Variants in CMTM3 observed in about 807,000 individuals in gnomAD.
The protein encoded by CMTM3 is CKLF like MARVEL transmembrane domain containing 3.
Under a neutral mutation model 18.2 loss-of-function variants are expected in CMTM3, and 7 were observed. The ratio of observed to expected loss-of-function variants is 0.38; its 90% CI spans 0.22 to 0.72. The LOEUF is 0.72. CMTM3 is among the 30% of genes least tolerant of loss of function. CMTM3 has a pLI of 0.46. For missense variants in CMTM3, 227 were observed against 249.2 expected (o/e 0.91, Z 0.60); for synonymous variants, 109 against 111.2 (o/e 0.98, Z 0.12).
Position 66,609,595 on chromosome 16 carries a change from A to G in CMTM3, c.399+65A>G, listed in dbSNP as rs1597209170. 20 of 1,528,222 alleles carry G rather than the reference A, an allele frequency of 1.3e-5. No individual in the cohort carries two copies. Among genetic ancestry groups the G allele is most frequent in the Non-Finnish European group, 1.8e-5 (20 of 1,127,448 alleles). The allele number at this position is 1,528,222 out of a possible 1,614,324, so 94.7% of individuals were successfully genotyped here. On this transcript the variant is annotated intron_variant, in intron 3 of 4. Transcript: ENST00000567572. This position sits in a 1 kb window ranked among gnomAD's most constrained non-coding sequence, Gnocchi z 4.4. ...CCTCTAGCCCCTCATTTAGGGTGGG[A>G]CCTGGGGCAGAGCCTTTCCCTGCTG...
rs1415389173 is a variant in CMTM3, at chr16:66,613,859, G to T, written c.*1222G>T. 6.6e-6 allele frequency: 1 copy of T among 152,000 alleles called. No individual in the cohort carries two copies. The highest frequency in any genetic ancestry group is 1.9e-4 in the East Asian group (1 of 5,182). The allele number at this position is 152,000 out of a possible 1,614,324, so 9.4% of individuals were successfully genotyped here. A position where few individuals can be genotyped will look rare whatever the true frequency, so the allele number is the denominator to read the frequency against. On this transcript the variant is annotated 3_prime_UTR_variant, in exon 5 of 5. Transcript: ENST00000567572. ...TGGATCCTGACAGCTTTCAGTTTTA[G>T]CAAAAATACACGTGAAATCTGACTA...
chr16:66,608,761 C>A lies in CMTM3; in HGVS notation c.303+297C>A, dbSNP rs1265871901. On this transcript the variant is annotated intron_variant, in intron 2 of 4. Coordinates refer to ENST00000567572, the MANE Select transcript of CMTM3 (RefSeq NM_181553.4). The surrounding 1 kb of genome is among the most constrained non-coding windows in gnomAD (Gnocchi z 5.1). ...CCACCGGGCCTACAGGAATGAGCTGCCGCCACAGGAATTCAAGCCATTTCC... is the reference window on the plus strand; with the variant it reads ...CCACCGGGCCTACAGGAATGAGCTGACGCCACAGGAATTCAAGCCATTTCC... Among the ~76,000 whole-genome samples the A allele has an allele frequency of 6.6e-6, 1 of 152,166 alleles. No individual in the cohort carries two copies. Among genetic ancestry groups the A allele is most frequent in the Admixed American group, 6.5e-5 (1 of 15,278 alleles).
intron 1 of CMTM3, among the ~76,000 whole-genome samples, chr16:66,606,783 AG>A (rs2015171510): frequency 6.6e-6 from 1 of 152,196 alleles, no homozygotes. Context: ...ACCTGAGGTC[AG>A]GAATTCGAGA....
At position 66,612,851 on chromosome 16, in the gene CMTM3, A is replaced by G. The variant is rs1050118840; in HGVS notation, c.*214A>G. 9 of 610,298 alleles carry G rather than the reference A, an allele frequency of 1.5e-5. No individual in the cohort carries two copies. The African/African-American group carries it at 1.7e-4, about 11-fold the overall frequency. 37.8% of individuals were successfully genotyped at this position (610,298 alleles called of 1,614,324 possible). A position where few individuals can be genotyped will look rare whatever the true frequency, so the allele number is the denominator to read the frequency against. ...TGTTGACCACGCTGCGTATGAGGGC[A>G]TCTTGGGTATCCCACTCCTTCTCCC... On this transcript the variant is annotated 3_prime_UTR_variant, in exon 5 of 5. Transcript: ENST00000567572. This position sits in a 1 kb window ranked among gnomAD's most constrained non-coding sequence, Gnocchi z 6.0.
Position 66,605,243 on chromosome 16 carries a change from G to T in CMTM3, c.147+291G>T. The T allele has an allele frequency of 3.5e-6, 1 of 285,036 alleles. No individual in the cohort carries two copies. Among genetic ancestry groups the T allele is most frequent in the Non-Finnish European group, 6.5e-6 (1 of 153,136 alleles). 17.7% of individuals were successfully genotyped at this position (285,036 alleles called of 1,614,324 possible). ...CCCGGGGATGTGGGTCCTGCTGTGT[G>T]AGCCAGGCGCCCCCGCCCTCTCTGG... On this transcript the variant is annotated intron_variant, in intron 1 of 4. Coordinates refer to ENST00000567572, the MANE Select transcript of CMTM3 (RefSeq NM_181553.4). This position sits in a 1 kb window ranked among gnomAD's most constrained non-coding sequence, Gnocchi z 4.6.
chr16:66,609,466 T>C lies in CMTM3; in HGVS notation c.335T>C (p.Ile112Thr). 1 of 1,613,036 alleles carries C rather than the reference T, an allele frequency of 6.2e-7. No individual in the cohort carries two copies. The highest frequency in any genetic ancestry group is 8.5e-7 in the Non-Finnish European group (1 of 1,179,636). Residue 112 changes from isoleucine (I) to threonine (T), a missense_variant, in exon 3 of 5, where the codon ATC becomes ACC. Coordinates refer to ENST00000567572, the MANE Select transcript of CMTM3 (RefSeq NM_181553.4). This position sits in a 1 kb window ranked among gnomAD's most constrained non-coding sequence, Gnocchi z 4.4. ...CTGCGCTGTGTCACCGCGGCCCTCA[T>C]CTACTTTGCTATCTCCATCACGGCC... is the stretch of plus-strand genomic sequence containing the variant. Reference protein sequence around the residue: ...DFLRCVTAALIYFAISITAIA... With the variant: ...DFLRCVTAALTYFAISITAIA...
In CMTM3 at chr16:66,610,254, G is replaced by A. The variant is rs186375819; in HGVS notation, c.520+251G>A. Among the ~76,000 whole-genome samples the A allele has an allele frequency of 1.4e-4, 21 of 152,212 alleles. No individual in the cohort carries two copies. In the East Asian group the frequency reaches 3.1e-3, roughly 22 times the overall value. The stretch of plus-strand genomic sequence containing the variant: ...GCATGGCTGAGCCTCAGGCCAGGCC[G>A]GCAAGTCTCCCTGGACGACCCCCCT... On this transcript the variant is annotated intron_variant, in intron 4 of 4. Coordinates refer to ENST00000567572, the MANE Select transcript of CMTM3 (RefSeq NM_181553.4). The surrounding 1 kb of genome is among the most constrained non-coding windows in gnomAD (Gnocchi z 4.6).
Position 66,612,635 on chromosome 16 carries a change from T to TGAA in CMTM3, c.549_*2dup. The TGAA allele has an allele frequency of 1.2e-6, 2 of 1,614,076 alleles. No individual in the cohort carries two copies. Among genetic ancestry groups the TGAA allele is most frequent in the Non-Finnish European group, 1.7e-6 (2 of 1,179,990 alleles). ...AGAGAATTCCGACTCGGACTCTGAC[T>TGAA]GAAGGCCTGGCGGGTGCCTTGGCAA... On this transcript the variant is annotated inframe_insertion and stop_retained_variant, in exon 5 of 5. Coordinates refer to ENST00000567572, the MANE Select transcript of CMTM3 (RefSeq NM_181553.4). This position sits in a 1 kb window ranked among gnomAD's most constrained non-coding sequence, Gnocchi z 6.0.
At chr16:66,604,577 G>T (rs1304331601), upstream of CMTM3, 1 of 335,750 alleles carries the variant, frequency 3.0e-6, no homozygotes, top group Admixed American at 4.9e-5. Context: ...GGAGGCCCCA[G>T]GCCGGGGAGG....
intron 1 of CMTM3, among the ~76,000 whole-genome samples, chr16:66,607,339 C>A (rs1355682028): frequency 6.6e-6 from 1 of 152,224 alleles, no homozygotes; most frequent in African/African-American, 2.4e-5. Flanking sequence ...GCTGGCCCCA[C>A]CTTTCACAGC....
In CMTM3 at chr16:66,608,306, C is replaced by G. The variant is rs2015237376; in HGVS notation, c.148-3C>G. The stretch of plus-strand genomic sequence containing the variant: ...GACTTCACCTCAAACTCCTTCCCCG[C>G]AGGGTCTCTCATTCATCACTTTTAT... On this transcript the variant is annotated splice_region_variant and splice_polypyrimidine_tract_variant and intron_variant, in intron 1 of 4. Coordinates refer to ENST00000567572, the MANE Select transcript of CMTM3 (RefSeq NM_181553.4). The surrounding 1 kb of genome is among the most constrained non-coding windows in gnomAD (Gnocchi z 5.1). 1.2e-6 allele frequency: 2 copies of G among 1,614,034 alleles called. No homozygotes were observed. The highest frequency in any genetic ancestry group is 2.7e-5 in the African/African-American group (2 of 74,944).
At chr16:66,604,628 G>A (rs950472875), upstream of CMTM3, 8 of 442,960 alleles carry the variant, frequency 1.8e-5, no homozygotes, top group Admixed American at 4.8e-5. Context: ...CGGGGTCCGA[G>A]GGGGAGGGGC....
rs1304277771 is a variant in CMTM3 at position 66,609,420 on chromosome 16, C to A, written c.304-15C>A. Reference sequence around the variant, plus strand: ...AGCTCCAGGGGCTCAGGGCAGCATGCCCCTCTCTCCCCAGGACTTCCTGCG... The same window carrying A: ...AGCTCCAGGGGCTCAGGGCAGCATGACCCTCTCTCCCCAGGACTTCCTGCG... On this transcript the variant is annotated splice_polypyrimidine_tract_variant and intron_variant, in intron 2 of 4. Coordinates refer to ENST00000567572, the MANE Select transcript of CMTM3 (RefSeq NM_181553.4). The surrounding 1 kb of genome is among the most constrained non-coding windows in gnomAD (Gnocchi z 4.4). 5 of 1,607,212 alleles carry A rather than the reference C, an allele frequency of 3.1e-6. No homozygotes were observed. Among genetic ancestry groups the A allele is most frequent in the African/African-American group, 2.7e-5 (2 of 74,836 alleles).
Position 66,608,342 on chromosome 16 carries a change from G to C in CMTM3, c.181G>C (p.Ala61Pro), listed in dbSNP as rs774006900. ...LSFITFICYV[A>P]SSASAFLTAP... ...ATTCATCACTTTTATCTGCTATGTGGCGTCCTCAGCATCTGCCTTCCTCAC... is the reference window on the plus strand; with the variant it reads ...ATTCATCACTTTTATCTGCTATGTGCCGTCCTCAGCATCTGCCTTCCTCAC... The change falls in exon 2 of 5, where the codon GCG becomes CCG. Residue 61 changes from alanine to proline, a missense_variant. By Grantham distance (27) the Ala-to-Pro change is conservative. Coordinates refer to ENST00000567572, the MANE Select transcript of CMTM3 (RefSeq NM_181553.4). The surrounding 1 kb of genome is among the most constrained non-coding windows in gnomAD (Gnocchi z 5.1). 5.6e-6 allele frequency: 9 copies of C among 1,614,184 alleles called. No homozygotes were observed. In the Admixed American group the frequency reaches 6.7e-5, roughly 12 times the overall value.
In CMTM3 at chr16:66,612,515, C is replaced by T. The variant is rs1034876039; in HGVS notation, c.521-94C>T. 1.5e-6 allele frequency: 2 copies of T among 1,350,866 alleles called. No individual in the cohort carries two copies. The highest frequency in any genetic ancestry group is 2.3e-5 in the East Asian group (1 of 43,040). 83.7% of individuals were successfully genotyped at this position (1,350,866 alleles called of 1,614,324 possible). ...GCTGCAGGAGGCCTGCACCCAGGCT[C>T]CTGCCAGCAACCCAGCTGTGCTTCC... On this transcript the variant is annotated intron_variant, in intron 4 of 4. Coordinates refer to ENST00000567572, the MANE Select transcript of CMTM3 (RefSeq NM_181553.4). The surrounding 1 kb of genome is among the most constrained non-coding windows in gnomAD (Gnocchi z 6.0).
Position 66,609,667 on chromosome 16 carries a change from CCT to C in CMTM3, c.399+141_399+142del. ...TGGGTCCCGATGATGATTCCAAAGT[CCT>C]CTCATTAAAGACTGACTCTACCCGG... is the stretch of plus-strand genomic sequence containing the variant. On this transcript the variant is annotated intron_variant, in intron 3 of 4. Transcript: ENST00000567572. This position sits in a 1 kb window ranked among gnomAD's most constrained non-coding sequence, Gnocchi z 4.4. 1 of 1,529,306 alleles carries C rather than the reference CCT, an allele frequency of 6.5e-7. No individual in the cohort carries two copies. Among genetic ancestry groups the C allele is most frequent in the Non-Finnish European group, 8.8e-7 (1 of 1,134,520 alleles). The allele number at this position is 1,529,306 out of a possible 1,614,324, so 94.7% of individuals were successfully genotyped here.
Position 66,607,019 on chromosome 16 carries a change from C to T in CMTM3, c.148-1290C>T, listed in dbSNP as rs116379451. On this transcript the variant is annotated intron_variant, in intron 1 of 4. Transcript: ENST00000567572. ...TGGGGCGGAGGTAAGATAACTCTAT[C>T]TGGGGGGTCAGCCAGCCCTGGGTTC... Among the ~76,000 whole-genome samples, 934 of 152,262 alleles carry T rather than the reference C, an allele frequency of 6.1e-3. 13 individuals are homozygous for T. Among genetic ancestry groups the T allele is most frequent in the African/African-American group, 0.022 (903 of 41,554 alleles).
Position 66,605,130 on chromosome 16 carries a change from T to G in CMTM3, c.147+178T>G. On this transcript the variant is annotated intron_variant, in intron 1 of 4. Coordinates refer to ENST00000567572, the MANE Select transcript of CMTM3 (RefSeq NM_181553.4). This position sits in a 1 kb window ranked among gnomAD's most constrained non-coding sequence, Gnocchi z 4.6. ...GAAGTTGGGTCGAGGTCCCCAAACT[T>G]TGGACGGCGGGGCGGGGCCCGAGCC... 2 of 521,820 alleles carry G rather than the reference T, an allele frequency of 3.8e-6. No homozygotes were observed. Among genetic ancestry groups the G allele is most frequent in the South Asian group, 3.6e-5 (1 of 27,592 alleles). The allele number at this position is 521,820 out of a possible 1,614,324, so 32.3% of individuals were successfully genotyped here.
chr16:66,609,850 C>T lies in CMTM3; in HGVS notation c.400-33C>T. On this transcript the variant is annotated intron_variant, in intron 3 of 4. Transcript: ENST00000567572. This position sits in a 1 kb window ranked among gnomAD's most constrained non-coding sequence, Gnocchi z 4.4. ...GCAGCCTCCCGGAGCAGGGAGTCAG[C>T]CCTGTGATGCATCCCATCCACCCTG... 3 of 1,614,198 alleles carry T rather than the reference C, an allele frequency of 1.9e-6. No individual in the cohort carries two copies. The highest frequency in any genetic ancestry group is 2.5e-6 in the Non-Finnish European group (3 of 1,180,036).
Sources: allele counts gnomAD v4.1 joint callset (sites outside exome capture counted in the v4.1 genomes callset), GRCh38; gene constraint gnomAD v4.1.1; non-coding constraint Gnocchi (gnomAD v3.1); transcripts MANE v1.5; gene names NCBI Gene and HGNC (gene_info 2026-07-23, HGNC 2026-07-21).